The following KLF12 variants were observed in gnomAD, a reference collection of about 807,000 sequenced individuals.
KLF12 encodes Krueppel-like factor 12.
A neutral mutation model predicts 37.8 loss-of-function variants in KLF12; 9 were observed. The ratio of observed to expected loss-of-function variants is 0.24; its 90% CI spans 0.14 to 0.42. The LOEUF is 0.42. KLF12 is among the 10% of genes least tolerant of loss of function. The pLI, the probability that KLF12 is intolerant of heterozygous loss-of-function variation, is 1.00. For synonymous variants in KLF12, 208 were observed against 202.1 expected (o/e 1.03, Z -0.25); for missense variants, 411 against 516.0 (o/e 0.80, Z 1.97).
chr13:73,836,690 G>T (rs984691088), intron 4 of KLF12, among the ~76,000 whole-genome samples: 2 of 151,754 alleles, frequency 1.3e-5, no homozygotes, highest in African/African-American at 4.8e-5. Context: ...GAAAAAATTA[G>T]TTTTTTTTAA....
chr13:74,109,264 T>G (rs1876841660), intron 1 of KLF12, among the ~76,000 whole-genome samples: 1 of 151,870 alleles, frequency 6.6e-6, no homozygotes, highest in African/African-American at 2.4e-5. Flanking sequence ...GCTACTAAAT[T>G]TAAAAGTAGC....
chr13:73,942,604 CTT>C (rs375410776), intron 3 of KLF12, among the ~76,000 whole-genome samples: 27 of 152,266 alleles, frequency 1.8e-4, no homozygotes, highest in Middle Eastern at 6.8e-3. Flanking sequence ...GAACACATGA[CTT>C]TTTCTGAAAG....
chr13:74,289,845 G>GA, the KLF12 span, among the ~76,000 whole-genome samples: 258 of 152,282 alleles, frequency 1.7e-3, no homozygotes, highest in African/African-American at 5.8e-3. Flanking sequence ...ACTAAACTGG[G>GA]AAAGGAAGAG....
At chr13:73,841,013 G>A (rs1365782794) in intron 4 of KLF12, among the ~76,000 whole-genome samples, 1 of 152,112 alleles carries the variant, frequency 6.6e-6, no homozygotes, top group African/African-American at 2.4e-5. Flanking sequence ...ACCTAAAGCT[G>A]TGCCCCTCTC....
the KLF12 span, among the ~76,000 whole-genome samples, chr13:74,190,923 C>T: frequency 1.5e-4 from 23 of 152,280 alleles, no homozygotes; most frequent in African/African-American, 5.5e-4. Flanking sequence ...TGTTCAAAGA[C>T]CTTTTTTTCC....
At chr13:74,300,928 G>A in the KLF12 span, among the ~76,000 whole-genome samples, 2 of 152,102 alleles carry the variant, frequency 1.3e-5, no homozygotes, top group African/African-American at 4.8e-5. Flanking sequence ...CTTACAGACT[G>A]ACATTGACAA....
At chr13:73,908,218 C>T (rs575334195) in intron 3 of KLF12, among the ~76,000 whole-genome samples, 19 of 151,856 alleles carry the variant, frequency 1.3e-4, no homozygotes, top group South Asian at 6.2e-4. Flanking sequence ...CTGGCTAACA[C>T]GGTGAAACCC....
At chr13:74,224,298 C>A in the KLF12 span, among the ~76,000 whole-genome samples, 1 of 152,132 alleles carries the variant, frequency 6.6e-6, no homozygotes, top group Non-Finnish European at 1.5e-5. Context: ...CCTGGGCTAC[C>A]TTCTGGGATT....
the KLF12 span, among the ~76,000 whole-genome samples, chr13:74,235,780 T>C: frequency 6.6e-6 from 1 of 152,100 alleles, no homozygotes; most frequent in African/African-American, 2.4e-5. Flanking sequence ...TTAAATATTA[T>C]TACCCTGGCA....
chr13:74,032,511 C>T (rs1893139749), intron 1 of KLF12, among the ~76,000 whole-genome samples: 1 of 152,134 alleles, frequency 6.6e-6, no homozygotes, highest in Non-Finnish European at 1.5e-5. Flanking sequence ...ATTTTGCCTA[C>T]AGAACGTGTT....
the KLF12 span, among the ~76,000 whole-genome samples, chr13:74,184,370 C>T: frequency 1.3e-5 from 2 of 152,008 alleles, no homozygotes; most frequent in African/African-American, 4.8e-5. Flanking sequence ...TCTGTGAGAG[C>T]CAGAAATGTG....
chr13:74,178,137 A>G, the KLF12 span, among the ~76,000 whole-genome samples: 1 of 152,162 alleles, frequency 6.6e-6, no homozygotes, highest in Non-Finnish European at 1.5e-5. Flanking sequence ...CTTTTGCCTT[A>G]TGGTCATCAG....
the KLF12 span, among the ~76,000 whole-genome samples, chr13:74,218,369 G>C: frequency 7.9e-5 from 12 of 152,276 alleles, no homozygotes; most frequent in African/African-American, 2.9e-4. Context: ...GTTTTGTTTT[G>C]ATTTAACTAA....
chr13:74,080,632 G>A (rs1337516052), intron 1 of KLF12, among the ~76,000 whole-genome samples: 1 of 152,096 alleles, frequency 6.6e-6, no homozygotes, highest in Non-Finnish European at 1.5e-5. Flanking sequence ...AAAATAACTG[G>A]TATTTCTAAA....
the KLF12 span, among the ~76,000 whole-genome samples, chr13:74,194,230 A>T: frequency 6.6e-6 from 1 of 152,200 alleles, no homozygotes; most frequent in African/African-American, 2.4e-5. Flanking sequence ...GCAGCAGAGC[A>T]TGCATGAGTT....
the KLF12 span, among the ~76,000 whole-genome samples, chr13:74,178,220 C>T: frequency 6.6e-6 from 1 of 152,232 alleles, no homozygotes; most frequent in Non-Finnish European, 1.5e-5. Context: ...CTGACTGATT[C>T]CATCCACCTT....
the KLF12 span, among the ~76,000 whole-genome samples, chr13:74,225,343 C>T: frequency 6.6e-6 from 1 of 152,144 alleles, no homozygotes; most frequent in Non-Finnish European, 1.5e-5. Flanking sequence ...TTTCACACTA[C>T]CTTAAGGACG....
At chr13:73,749,319 G>A (rs1460891115) in intron 6 of KLF12, among the ~76,000 whole-genome samples, 1 of 152,122 alleles carries the variant, frequency 6.6e-6, no homozygotes, top group Non-Finnish European at 1.5e-5. Flanking sequence ...AAACAACAGA[G>A]CCTGCATTTA....
At chr13:74,260,877 A>G in the KLF12 span, among the ~76,000 whole-genome samples, 1 of 152,186 alleles carries the variant, frequency 6.6e-6, no homozygotes, top group African/African-American at 2.4e-5. Flanking sequence ...ATTTGCAGTC[A>G]TTAATTTTGA....
Sources: allele counts gnomAD v4.1 joint callset (sites outside exome capture counted in the v4.1 genomes callset), GRCh38; gene constraint gnomAD v4.1.1; transcripts MANE v1.5; gene names NCBI Gene and HGNC (gene_info 2026-07-23, HGNC 2026-07-21).